Variants in VDAC1 observed in about 807,000 individuals in gnomAD.
VDAC1 encodes the protein non-selective voltage-gated ion channel VDAC1.
In VDAC1, 10 loss-of-function variants were observed where a neutral mutation model predicts 34.7. That is an observed-to-expected ratio of 0.29 (90% CI 0.18 to 0.49). The LOEUF (loss-of-function observed/expected upper bound fraction) is 0.49, where lower values mean the gene tolerates loss of function less well. Among genes scored for constraint, VDAC1 ranks in the 20% least tolerant of loss-of-function variants. The pLI, the probability that VDAC1 is intolerant of heterozygous loss-of-function variation, is 0.99. For missense variants in VDAC1, 230 were observed against 347.9 expected (o/e 0.66, Z 2.69); for synonymous variants, 130 against 136.0 (o/e 0.96, Z 0.30).
intron 6 of VDAC1, among the ~76,000 whole-genome samples, chr5:133,980,050 T>C (rs978910492): frequency 6.6e-6 from 1 of 152,234 alleles, no homozygotes; most frequent in Non-Finnish European, 1.5e-5. Context: ...TGACCTCTAG[T>C]GGAAAGAAAT....
the VDAC1 span, among the ~76,000 whole-genome samples, chr5:134,024,528 C>CAA: frequency 3.0e-5 from 2 of 66,210 alleles, no homozygotes. Context: ...GACCCTGTCT[C>CAA]AAAAAAAAAA....
At chr5:134,055,588 G>GTTTTTGTTTTTTTTTTGTTT in the VDAC1 span, among the ~76,000 whole-genome samples, 15 of 59,614 alleles carry the variant, frequency 2.5e-4, no homozygotes, top group African/African-American at 9.4e-4. Flanking sequence ...CCCCGCTAAT[G>GTTTTTGTTTTTTTTTTGTTT]TTTTTTTTTT....
the VDAC1 span, among the ~76,000 whole-genome samples, chr5:134,025,054 G>A: frequency 1.3e-5 from 2 of 152,218 alleles, no homozygotes; most frequent in Non-Finnish European, 2.9e-5. Flanking sequence ...GTGGGATGAG[G>A]GAGGCTGTGT....
At chr5:133,991,294 TA>T in intron 3 of VDAC1, 140 bp from the exon 4 acceptor site, 1 of 1,060,996 alleles carries the variant, frequency 9.4e-7, no homozygotes, top group African/African-American at 1.6e-5. Context: ...ACAATTCAAA[TA>T]GATATTTAAA....
rs1451281900 is a variant in VDAC1 at position 133,991,088 on chromosome 5, A to T, written c.184T>A (p.Tyr62Asn). 4.3e-6 allele frequency: 7 copies of T among 1,613,970 alleles called. No individual in the cohort carries two copies. The highest frequency in any genetic ancestry group is 5.9e-6 in the Non-Finnish European group (7 of 1,180,030). Residue 62 changes from tyrosine to asparagine, a missense_variant, in exon 4 of 9, where the codon TAC becomes AAC. Coordinates refer to ENST00000265333, the MANE Select transcript of VDAC1 (RefSeq NM_003374.3). ...GTCAGGCCGTACTCAGTCCATCTGT[A>T]CTTGGTTTCCAGACTGCCCGTCACT... ...TKVTGSLETKYRWTEYGLTFT... is the reference protein window; with the variant it reads ...TKVTGSLETKNRWTEYGLTFT...
At chr5:134,005,590 G>A (rs912837662), upstream of VDAC1, 12 of 152,208 alleles carry the variant, frequency 7.9e-5, no homozygotes, top group African/African-American at 2.7e-4. Flanking sequence ...TGGGTCTCTC[G>A]GCGCGAGGAG....
the VDAC1 span, among the ~76,000 whole-genome samples, chr5:134,042,589 GT>G: frequency 6.6e-6 from 1 of 152,110 alleles, no homozygotes; most frequent in Non-Finnish European, 1.5e-5. Flanking sequence ...CGCCTCCCAG[GT>G]TCAAGCGATT....
chr5:134,007,590 G>A (rs1452028283), upstream of VDAC1, among the ~76,000 whole-genome samples: 1 of 152,088 alleles, frequency 6.6e-6, no homozygotes, highest in Admixed American at 6.5e-5. Flanking sequence ...ATTGGGTCAG[G>A]GTTGGGCCCC....
the VDAC1 span, among the ~76,000 whole-genome samples, chr5:134,034,096 A>G: frequency 6.6e-6 from 1 of 152,206 alleles, no homozygotes; most frequent in Non-Finnish European, 1.5e-5. Context: ...TTTGGGAAGC[A>G]TTATTTGATT....
chr5:134,047,525 T>C, the VDAC1 span, among the ~76,000 whole-genome samples: 1 of 152,194 alleles, frequency 6.6e-6, no homozygotes, highest in Non-Finnish European at 1.5e-5. Context: ...AGGGACTCCA[T>C]TCATCCCGCA....
the VDAC1 span, among the ~76,000 whole-genome samples, chr5:134,076,823 C>T: frequency 3.3e-5 from 5 of 152,158 alleles, no homozygotes; most frequent in African/African-American, 1.2e-4. Flanking sequence ...TCTCTGGGAG[C>T]TGATCAGGTT....
Position 133,997,379 on chromosome 5 carries a change from A to G in VDAC1, c.-6-4361T>C, listed in dbSNP as rs140814967. Among the ~76,000 whole-genome samples, 797 of 152,250 alleles carry G rather than the reference A, an allele frequency of 5.2e-3. 6 individuals are homozygous for G. Among genetic ancestry groups the G allele is most frequent in the Non-Finnish European group, 9.3e-3 (632 of 68,014 alleles). On this transcript the variant is annotated intron_variant, in intron 1 of 8. Transcript: ENST00000265333. ...GAATGAATAAAAATTAAGGTACTAT[A>G]CTTGCAAACTAAGGAGTACCATATG...
chr5:134,098,202 A>G, the VDAC1 span, among the ~76,000 whole-genome samples: 17 of 56,396 alleles, frequency 3.0e-4, no homozygotes, highest in South Asian at 9.4e-3. Flanking sequence ...TATTATTATT[A>G]TTATTATTTT....
chr5:134,008,569 A>G (rs1332587326), upstream of VDAC1, among the ~76,000 whole-genome samples: 2 of 152,236 alleles, frequency 1.3e-5, no homozygotes, highest in Admixed American at 1.3e-4. Context: ...TCAAAGTGGA[A>G]AGCAGCCAAT....
chr5:134,075,566 T>TTTTG, the VDAC1 span, among the ~76,000 whole-genome samples: 5 of 152,140 alleles, frequency 3.3e-5, no homozygotes, highest in Admixed American at 3.3e-4. Flanking sequence ...GATACTGGTT[T>TTTTG]TTTGTTTGTT....
At chr5:134,063,673 G>C in the VDAC1 span, among the ~76,000 whole-genome samples, 19 of 152,266 alleles carry the variant, frequency 1.2e-4, no homozygotes, top group Non-Finnish European at 2.1e-4. Flanking sequence ...GGGCATCCTG[G>C]ATTGTCCAGA....
At chr5:133,975,484 A>G (rs1272375029) in intron 7 of VDAC1, among the ~76,000 whole-genome samples, 5 of 147,708 alleles carry the variant, frequency 3.4e-5, no homozygotes, top group Admixed American at 6.7e-5. Flanking sequence ...TTTTTGAGAT[A>G]GAATCTCACT....
the VDAC1 span, among the ~76,000 whole-genome samples, chr5:134,039,628 A>C: frequency 6.6e-6 from 1 of 152,056 alleles, no homozygotes; most frequent in Non-Finnish European, 1.5e-5. Flanking sequence ...CGCGCCCGGC[A>C]GACGTGCGTA....
chr5:134,081,942 C>A, the VDAC1 span: 1 of 157,144 alleles, frequency 6.4e-6, no homozygotes. Flanking sequence ...TTCCCGGCAT[C>A]AAGTCCTTTT....
Sources: gnomAD v4.1 joint callset for allele counts (sites outside exome capture counted in the v4.1 genomes callset) on GRCh38, gnomAD v4.1.1 for gene constraint, MANE v1.5 for transcripts, NCBI Gene and HGNC (gene_info 2026-07-23, HGNC 2026-07-21) for gene names.